Variants in HMGB2 observed in about 807,000 individuals in gnomAD.
HMGB2 encodes the protein high mobility group protein B2.
Under a neutral mutation model 23.0 loss-of-function variants are expected in HMGB2, and 2 were observed. That is an observed-to-expected ratio of 0.09 (90% CI 0.04 to 0.27). HMGB2 has a LOEUF of 0.27. Ranked by LOEUF, HMGB2 falls within the 10% of genes least tolerant of loss-of-function variation. The pLI is 1.00. For missense variants in HMGB2, 178 were observed against 256.5 expected (o/e 0.69, Z 2.09); for synonymous variants, 99 against 87.5 (o/e 1.13, Z -0.73).
At chr4:173,334,212 C>T (rs1738191768) in intron 1 of HMGB2, 60 bp downstream of exon 1, 1 of 152,386 alleles carries the variant, frequency 6.6e-6, no homozygotes, top group African/African-American at 2.4e-5. Flanking sequence ...CGAGTAGAGG[C>T]TCTGAGGGAA....
Position 173,331,379 on chromosome 4 carries a change from T to C in HMGB2, c.*701A>G, listed in dbSNP as rs1420120210. Among the ~76,000 whole-genome samples the C allele has an allele frequency of 2.2e-5, 3 of 136,284 alleles. No individual in the cohort carries two copies. The highest frequency in any genetic ancestry group is 3.0e-5 in the Non-Finnish European group (2 of 66,450). 89.4% of individuals were successfully genotyped at this position (136,284 alleles called of 152,430 possible). A position where few individuals can be genotyped will look rare whatever the true frequency, so the allele number is the denominator to read the frequency against. ...GTATATATGTGTATATATATACATA[T>C]ATATATATATATATATGTATATATA... On this transcript the variant is annotated 3_prime_UTR_variant, in exon 5 of 5. Coordinates refer to ENST00000296503, the MANE Select transcript of HMGB2 (RefSeq NM_002129.4).
At position 173,331,935 on chromosome 4, in the gene HMGB2, TAC is replaced by T; in HGVS notation, c.*143_*144del. ...CTGCATTTTTTAAAAGTATTTTCTCTACAGAGAATCTTATCAGCTATACAAAA... is the reference window on the plus strand; with the variant it reads ...CTGCATTTTTTAAAAGTATTTTCTCTAGAGAATCTTATCAGCTATACAAAA... On this transcript the variant is annotated 3_prime_UTR_variant, in exon 5 of 5. Transcript: ENST00000296503. 5 of 1,195,162 alleles carry T rather than the reference TAC, an allele frequency of 4.2e-6. No homozygotes were observed. The highest frequency in any genetic ancestry group is 1.6e-5 in the African/African-American group (1 of 63,418). 74.0% of individuals were successfully genotyped at this position (1,195,162 alleles called of 1,614,324 possible).
chr4:173,333,120 T>G lies in HMGB2; in HGVS notation c.245A>C (p.Lys82Thr). 6.2e-7 allele frequency: 1 copy of G among 1,614,168 alleles called. No individual in the cohort carries two copies. The highest frequency in any genetic ancestry group is 8.5e-7 in the Non-Finnish European group (1 of 1,180,002). Reference protein sequence around the residue: ...DREMKNYVPPKGDKKGKKKDP... With the variant: ...DREMKNYVPPTGDKKGKKKDP... The stretch of plus-strand genomic sequence containing the variant: ...CTTTTTCTTCCCCTTCTTATCACCT[T>G]TGGGAGGAACGTAATTTTTCATCTC... The change falls in exon 3 of 5, where the codon AAA becomes ACA. Residue 82 changes from lysine to threonine, a missense_variant. Transcript: ENST00000296503. The surrounding 1 kb of genome is among the most constrained non-coding windows in gnomAD (Gnocchi z 4.6).
rs1053732931 is a variant in HMGB2 at position 173,332,919 on chromosome 4, T to C, written c.373A>G (p.Thr125Ala). The change falls in exon 4 of 5, where the codon ACT (threonine) becomes GCT (alanine). Residue 125 changes from threonine (T) to alanine (A), a missense_variant. Thr to Ala is a moderately conservative substitution (Grantham distance 58). This residue lies in a region of HMGB2 where 43 missense variants were observed against 103.3 expected (regional missense o/e 0.42). Transcript: ENST00000296503. The part of the protein sequence containing the change: ...SEHPGLSIGD[T>A]AKKLGEMWSE... The stretch of plus-strand genomic sequence containing the variant: ...CACATTTCACCCAATTTCTTTGCAG[T>C]ATCCCCAATGGATAGGCCAGGGTGT... 6.2e-6 allele frequency: 10 copies of C among 1,614,096 alleles called. No homozygotes were observed. Among genetic ancestry groups the C allele is most frequent in the East Asian group, 2.2e-5 (1 of 44,894 alleles).
In HMGB2 at chr4:173,333,058, T is replaced by C. The variant is rs1006197127; in HGVS notation, c.296+11A>G. On this transcript the variant is annotated intron_variant, in intron 3 of 4. Coordinates refer to ENST00000296503, the MANE Select transcript of HMGB2 (RefSeq NM_002129.4). The surrounding 1 kb of genome is among the most constrained non-coding windows in gnomAD (Gnocchi z 4.6). The stretch of plus-strand genomic sequence containing the variant: ...AAATCCAAGGAGCAATTTGGGTTAT[T>C]TTAAACTTACGGTGGCCTTTTAGGA... 1 of 1,612,916 alleles carries C rather than the reference T, an allele frequency of 6.2e-7. No individual in the cohort carries two copies. Among genetic ancestry groups the C allele is most frequent in the African/African-American group, 1.3e-5 (1 of 74,758 alleles).
At position 173,332,011 on chromosome 4, in the gene HMGB2, C is replaced by G; in HGVS notation, c.*69G>C. 13 of 1,600,808 alleles carry G rather than the reference C, an allele frequency of 8.1e-6. No homozygotes were observed. In the South Asian group the frequency reaches 1.5e-4, roughly 18 times the overall value. The stretch of plus-strand genomic sequence containing the variant: ...GCTAGTATTGAGCTGCACTTGAATT[C>G]ACATTCTTAGCAAAATAATTGCCTG... On this transcript the variant is annotated 3_prime_UTR_variant, in exon 5 of 5. Transcript: ENST00000296503.
Position 173,331,918 on chromosome 4 carries a change from T to A in HMGB2, c.*162A>T, listed in dbSNP as rs1738107164. ...CATCAAAAAGCTACAACCTGCATTT[T>A]TTAAAAGTATTTTCTCTACAGAGAA... is the stretch of plus-strand genomic sequence containing the variant. On this transcript the variant is annotated 3_prime_UTR_variant, in exon 5 of 5. Transcript: ENST00000296503. The A allele has an allele frequency of 9.5e-7, 1 of 1,057,558 alleles. No homozygotes were observed. The allele number at this position is 1,057,558 out of a possible 1,614,324, so 65.5% of individuals were successfully genotyped here.
At chr4:173,332,443 C>T (rs980891252) in intron 4 of HMGB2, 1 of 547,264 alleles carries the variant, frequency 1.8e-6, no homozygotes, top group Non-Finnish European at 3.2e-6. Context: ...ACAGCAGTAT[C>T]AGTACTTTCA....
In HMGB2 at chr4:173,333,055, T is replaced by G; in HGVS notation, c.296+14A>C. The G allele has an allele frequency of 6.2e-7, 1 of 1,612,608 alleles. No homozygotes were observed. Among genetic ancestry groups the G allele is most frequent in the Non-Finnish European group, 8.5e-7 (1 of 1,179,110 alleles). On this transcript the variant is annotated intron_variant, in intron 3 of 4. Coordinates refer to ENST00000296503, the MANE Select transcript of HMGB2 (RefSeq NM_002129.4). This position sits in a 1 kb window ranked among gnomAD's most constrained non-coding sequence, Gnocchi z 4.6. ...GAAAAATCCAAGGAGCAATTTGGGT[T>G]ATTTTAAACTTACGGTGGCCTTTTA...
rs33987506 is a variant in HMGB2 at position 173,331,394 on chromosome 4, A to ATATATGTG, written c.*685_*686insCACATATA. Among the ~76,000 whole-genome samples, 75 of 138,880 alleles carry ATATATGTG rather than the reference A, an allele frequency of 5.4e-4. No homozygotes were observed. Among genetic ancestry groups the ATATATGTG allele is most frequent in the African/African-American group, 2.1e-3 (71 of 34,408 alleles). 91.1% of individuals were successfully genotyped at this position (138,880 alleles called of 152,430 possible). ...TATATACATATATATATATATATAT[A>ATATATGTG]TGTATATATATATACACACACCTGA... is the stretch of plus-strand genomic sequence containing the variant. On this transcript the variant is annotated 3_prime_UTR_variant, in exon 5 of 5. Transcript: ENST00000296503.
At position 173,332,165 on chromosome 4, in the gene HMGB2, T is replaced by C. The variant is rs1370393541; in HGVS notation, c.545A>G (p.Lys182Arg). ...CTCATCTTCTGGTTCGTTCTTCTTC[T>C]TTGAGCCTGTTGGCCTGCCAGGGCC... is the stretch of plus-strand genomic sequence containing the variant. ...KKGPGRPTGS[K>R]KKNEPEDEEE... Residue 182 changes from lysine to arginine, a missense_variant, in exon 5 of 5, where the codon AAG becomes AGG. By Grantham distance (26) the Lys-to-Arg change is conservative. Around this residue, in one of 3 missense-constraint regions of HMGB2, gnomAD observed 45 missense variants for 38.8 expected, o/e 1.16. Coordinates refer to ENST00000296503, the MANE Select transcript of HMGB2 (RefSeq NM_002129.4). The C allele has an allele frequency of 6.2e-7, 1 of 1,613,658 alleles. No individual in the cohort carries two copies. The highest frequency in any genetic ancestry group is 1.3e-5 in the African/African-American group (1 of 74,934).
In HMGB2 at chr4:173,331,995, G is replaced by T; in HGVS notation, c.*85C>A. On this transcript the variant is annotated 3_prime_UTR_variant, in exon 5 of 5. Coordinates refer to ENST00000296503, the MANE Select transcript of HMGB2 (RefSeq NM_002129.4). ...CAGTTTTTATACTGAAGCTAGTATT[G>T]AGCTGCACTTGAATTCACATTCTTA... 6.3e-7 allele frequency: 1 copy of T among 1,583,842 alleles called. No individual in the cohort carries two copies.
rs1738162306 is a variant in HMGB2 at position 173,333,520 on chromosome 4, T to G, written c.130A>C (p.Lys44Gln). 6.2e-7 allele frequency: 1 copy of G among 1,613,952 alleles called. No homozygotes were observed. The highest frequency in any genetic ancestry group is 2.2e-5 in the East Asian group (1 of 44,868). Residue 44 changes from lysine to glutamine, a missense_variant, in exon 2 of 5, where the codon AAG (lysine) becomes CAG (glutamine). Transcript: ENST00000296503. This position sits in a 1 kb window ranked among gnomAD's most constrained non-coding sequence, Gnocchi z 4.6. The stretch of plus-strand genomic sequence containing the variant: ...CTCACCTTCCATCTCTCCGAACACT[T>G]CTTGGAGAATTCCGCGAAATTGACG... ...SSVNFAEFSK[K>Q]CSERWKTMSA...
In HMGB2 at chr4:173,333,685, G is replaced by A. The variant is rs760399486; in HGVS notation, c.-20-16C>T. 5.0e-5 allele frequency: 78 copies of A among 1,565,434 alleles called. No individual in the cohort carries two copies. Among genetic ancestry groups the A allele is most frequent in the Non-Finnish European group, 6.5e-5 (75 of 1,151,764 alleles). The stretch of plus-strand genomic sequence containing the variant: ...CCGCGTCCACCTGACGGGGCCGAGG[G>A]GGGAGAGGGGAAGCCGGAGGGTCGG... On this transcript the variant is annotated splice_polypyrimidine_tract_variant and intron_variant, in intron 1 of 4. Transcript: ENST00000296503. The surrounding 1 kb of genome is among the most constrained non-coding windows in gnomAD (Gnocchi z 4.6).
Position 173,331,384 on chromosome 4 carries a change from A to G in HMGB2, c.*696T>C, listed in dbSNP as rs1349097593. On this transcript the variant is annotated 3_prime_UTR_variant, in exon 5 of 5. Transcript: ENST00000296503. ...TATGTGTATATATATACATATATAT[A>G]TATATATATATGTATATATATATAC... 4.3e-5 allele frequency among the ~76,000 whole-genome samples: 6 copies of G among 139,038 alleles called. No homozygotes were observed. Among genetic ancestry groups the G allele is most frequent in the South Asian group, 2.1e-4 (1 of 4,682 alleles). 91.2% of individuals were successfully genotyped at this position (139,038 alleles called of 152,430 possible).
chr4:173,333,671 TGAC>T lies in HMGB2; in HGVS notation c.-20-5_-20-3del. 3 of 1,589,170 alleles carry T rather than the reference TGAC, an allele frequency of 1.9e-6. No homozygotes were observed. The highest frequency in any genetic ancestry group is 2.6e-6 in the Non-Finnish European group (3 of 1,165,432). ...CCATGTTGACAGATCCGCGTCCACC[TGAC>T]GGGGCCGAGGGGGGAGAGGGGAAGC... On this transcript the variant is annotated splice_polypyrimidine_tract_variant and splice_region_variant and intron_variant, in intron 1 of 4. Transcript: ENST00000296503. This position sits in a 1 kb window ranked among gnomAD's most constrained non-coding sequence, Gnocchi z 4.6.
chr4:173,332,434 C>T (rs1281127930), intron 4 of HMGB2, 196 bp from the exon 5 acceptor site: 1 of 555,244 alleles, frequency 1.8e-6, no homozygotes, highest in Non-Finnish European at 3.2e-6. Flanking sequence ...GGTTGCGATA[C>T]AGCAGTATCA....
At position 173,331,657 on chromosome 4, in the gene HMGB2, A is replaced by T. The variant is rs1259788880; in HGVS notation, c.*423T>A. On this transcript the variant is annotated 3_prime_UTR_variant, in exon 5 of 5. Transcript: ENST00000296503. ...GCTCTGGTCTTCAAATGGCTTTTTT[A>T]AAGTGAAAATTAACTTAGCATATTA... 6.5e-6 allele frequency: 1 copy of T among 153,882 alleles called. No individual in the cohort carries two copies. Among genetic ancestry groups the T allele is most frequent in the African/African-American group, 2.4e-5 (1 of 41,562 alleles). 9.5% of individuals were successfully genotyped at this position (153,882 alleles called of 1,614,324 possible). A position where few individuals can be genotyped will look rare whatever the true frequency, so the allele number is the denominator to read the frequency against.
At chr4:173,332,367 G>A (rs1009467661) in intron 4 of HMGB2, 129 bp from the exon 5 acceptor site, 17 of 683,366 alleles carry the variant, frequency 2.5e-5, no homozygotes, top group Non-Finnish European at 3.8e-5. Context: ...ACCAGTCTAA[G>A]TTTTTAGAGC....
Sources: allele counts gnomAD v4.1 joint callset (sites outside exome capture counted in the v4.1 genomes callset), GRCh38; gene constraint gnomAD v4.1.1; regional missense constraint gnomAD v4.1.1; non-coding constraint Gnocchi (gnomAD v3.1); transcripts MANE v1.5; gene names NCBI Gene and HGNC (gene_info 2026-07-23, HGNC 2026-07-21).